The following TRIM67 variants were observed in gnomAD, a reference collection of about 807,000 sequenced individuals.
The protein encoded by TRIM67 is tripartite motif containing 67.
Under a neutral mutation model 71.0 loss-of-function variants are expected in TRIM67, and 39 were observed. That is an observed-to-expected ratio of 0.55 (90% confidence interval 0.43 to 0.72). The LOEUF (loss-of-function observed/expected upper bound fraction) is 0.72, where lower values mean the gene tolerates loss of function less well. Ranked by LOEUF, TRIM67 falls within the 30% of genes least tolerant of loss-of-function variation. TRIM67 has a pLI of 0.00. For missense variants in TRIM67, 973 were observed against 1,079.2 expected, an observed-to-expected ratio of 0.90 and a Z score of 1.38; for synonymous variants, 481 against 473.9, an observed-to-expected ratio of 1.01 and a Z score of -0.19.
intron 1 of TRIM67, among the ~76,000 whole-genome samples, chr1:231,195,761 A>G (rs1316402987): frequency 6.6e-6 from 1 of 152,036 alleles, no homozygotes; most frequent in Non-Finnish European, 1.5e-5. Context: ...AGTCCAGGGG[A>G]TCTCAAACTG....
rs1266053427 is a variant in TRIM67, at chr1:231,162,999, CG to C, written c.32del (p.Gly11AlafsTer306). On this transcript the variant is annotated frameshift_variant, in exon 1 of 10. Coordinates refer to ENST00000366653, the MANE Select transcript of TRIM67 (RefSeq NM_001004342.5). LOFTEE classifies it high-confidence loss of function. MEEELKCPVCGSLFREPIILP... is the reference protein window; with the variant it reads MEEELKCPVCXSLFREPIILP... ...AGGAAGAGCTGAAGTGTCCCGTGTG[CG>C]GCTCTCTGTTTCGGGAGCCTATCAT... 8 of 1,612,402 alleles carry C rather than the reference CG, an allele frequency of 5.0e-6. No individual in the cohort carries two copies. Among genetic ancestry groups the C allele is most frequent in the Non-Finnish European group, 6.8e-6 (8 of 1,179,350 alleles).
intron 3 of TRIM67, among the ~76,000 whole-genome samples, chr1:231,199,581 C>T (rs1457081085): frequency 6.6e-6 from 1 of 152,156 alleles, no homozygotes; most frequent in Non-Finnish European, 1.5e-5. Context: ...AGCCAGTTCC[C>T]ACCAAGGGAA....
rs559641983 is a variant in TRIM67, at chr1:231,209,761, C to A, written c.2123+511C>A. ...GACAGGGCAGTAGCAGAGGGCATGGCTGGGGTGCTCACTACTAACGAGCCT... is the reference window on the plus strand; with the variant it reads ...GACAGGGCAGTAGCAGAGGGCATGGATGGGGTGCTCACTACTAACGAGCCT... On this transcript the variant is annotated intron_variant, in intron 8 of 9. Coordinates refer to ENST00000366653, the MANE Select transcript of TRIM67 (RefSeq NM_001004342.5). This position sits in a 1 kb window ranked among gnomAD's most constrained non-coding sequence, Gnocchi z 4.1. Among the ~76,000 whole-genome samples, 1 of 152,342 alleles carries A rather than the reference C, an allele frequency of 6.6e-6. No homozygotes were observed. Among genetic ancestry groups the A allele is most frequent in the African/African-American group, 2.4e-5 (1 of 41,580 alleles).
At chr1:231,201,229 T>C (rs916852079) in intron 4 of TRIM67, 129 bp from the exon 5 acceptor site, 1 of 929,922 alleles carries the variant, frequency 1.1e-6, no homozygotes. Flanking sequence ...ATCTCTGCCA[T>C]GGCTCTAGAG....
intron 6 of TRIM67, among the ~76,000 whole-genome samples, chr1:231,204,246 C>T (rs1683634865): frequency 1.3e-5 from 2 of 152,180 alleles, no homozygotes; most frequent in East Asian, 3.9e-4. Context: ...GAAGGTGTTT[C>T]CTGCACCCAC....
intron 1 of TRIM67, chr1:231,185,994 TG>T: frequency 8.9e-7 from 1 of 1,126,968 alleles, no homozygotes; most frequent in Non-Finnish European, 1.3e-6. Context: ...GAGAAGGAGG[TG>T]GGTCTTCTGG....
chr1:231,198,709 T>C (rs1683439846), intron 2 of TRIM67, among the ~76,000 whole-genome samples: 1 of 151,358 alleles, frequency 6.6e-6, no homozygotes, highest in East Asian at 1.9e-4. Context: ...TAAACACACA[T>C]ACACACACAC....
rs374407015 is a variant in TRIM67 at position 231,197,484 on chromosome 1, G to A, written c.1140+18G>A. The A allele has an allele frequency of 2.0e-4, 327 of 1,609,882 alleles. 2 individuals are homozygous for A. The highest frequency in any genetic ancestry group is 8.8e-4 in the Admixed American group (53 of 59,964). ...AGATCCAGGTGAGCACAGCTCTGGC[G>A]TCGGGAGAAATACTCAGTGTTGAAA... On this transcript the variant is annotated intron_variant, in intron 2 of 9. Coordinates refer to ENST00000366653, the MANE Select transcript of TRIM67 (RefSeq NM_001004342.5).
chr1:231,170,229 G>A (rs1482273709), intron 1 of TRIM67, among the ~76,000 whole-genome samples: 3 of 151,714 alleles, frequency 2.0e-5, no homozygotes, highest in East Asian at 1.9e-4. Context: ...CAGGTGATCC[G>A]CCCACCTCTG....
rs370647512 is a variant in TRIM67 at position 231,176,399 on chromosome 1, G to A, written c.1044+12386G>A. Among the ~76,000 whole-genome samples, 84 of 152,338 alleles carry A rather than the reference G, an allele frequency of 5.5e-4. No individual in the cohort carries two copies. The South Asian group carries it at 9.1e-3, about 17-fold the overall frequency. ...CCCAGAGATTAGGAAGGGGAAGAGG[G>A]AAAGAGTGGTAAGTGGGGAAACTGA... is the stretch of plus-strand genomic sequence containing the variant. On this transcript the variant is annotated intron_variant, in intron 1 of 9. Coordinates refer to ENST00000366653, the MANE Select transcript of TRIM67 (RefSeq NM_001004342.5).
At chr1:231,189,956 G>C (rs1403211687) in intron 1 of TRIM67, among the ~76,000 whole-genome samples, 1 of 152,198 alleles carries the variant, frequency 6.6e-6, no homozygotes, top group Non-Finnish European at 1.5e-5. Context: ...AGAGCCTCCA[G>C]AAGGAACCAG....
intron 2 of TRIM67, among the ~76,000 whole-genome samples, 187 bp downstream of exon 2, chr1:231,197,653 C>A (rs914385310): frequency 6.6e-6 from 1 of 152,118 alleles, no homozygotes; most frequent in African/African-American, 2.4e-5. Context: ...TGGAGAAACC[C>A]GTCTCTACTA....
chr1:231,165,142 G>T (rs1405064450), intron 1 of TRIM67, among the ~76,000 whole-genome samples: 1 of 152,144 alleles, frequency 6.6e-6, no homozygotes, highest in Non-Finnish European at 1.5e-5. Context: ...ATCACACCTA[G>T]AAGGTGCCAC....
chr1:231,207,615 C>T (rs933193017), intron 7 of TRIM67, among the ~76,000 whole-genome samples: 1 of 152,228 alleles, frequency 6.6e-6, no homozygotes, highest in Non-Finnish European at 1.5e-5. Context: ...CATCCTCTGA[C>T]TGCCACAGCT....
At chr1:231,174,251 T>TA (rs952218642) in intron 1 of TRIM67, among the ~76,000 whole-genome samples, 3 of 150,610 alleles carry the variant, frequency 2.0e-5, no homozygotes, top group African/African-American at 7.3e-5. Context: ...CTTGAACTCC[T>TA]AGGTTCAAAC....
chr1:231,205,708 A>G (rs1252466012), intron 6 of TRIM67, among the ~76,000 whole-genome samples: 1 of 150,102 alleles, frequency 6.7e-6, no homozygotes, highest in East Asian at 2.0e-4. Flanking sequence ...CCTGGGTGAC[A>G]GAGTAAGACT....
intron 6 of TRIM67, among the ~76,000 whole-genome samples, chr1:231,206,291 A>G (rs1229132676): frequency 6.6e-6 from 1 of 151,530 alleles, no homozygotes; most frequent in African/African-American, 2.4e-5. Flanking sequence ...ATATATATAA[A>G]TTAGCTGGGC....
At chr1:231,191,708 C>T (rs941312376) in intron 1 of TRIM67, among the ~76,000 whole-genome samples, 1 of 152,180 alleles carries the variant, frequency 6.6e-6, no homozygotes, top group African/African-American at 2.4e-5. Context: ...TAGGGTCAGA[C>T]TGCTGGTGCC....
At chr1:231,202,785 C>A (rs1334974621) in intron 5 of TRIM67, among the ~76,000 whole-genome samples, 1 of 152,294 alleles carries the variant, frequency 6.6e-6, no homozygotes, top group African/African-American at 2.4e-5. Context: ...GTAAATGACA[C>A]GCAGTGCTGA....
Sources: gnomAD v4.1 joint callset for allele counts (sites outside exome capture counted in the v4.1 genomes callset) on GRCh38, gnomAD v4.1.1 for gene constraint, Gnocchi (gnomAD v3.1) non-coding constraint, MANE v1.5 for transcripts, NCBI Gene and HGNC (gene_info 2026-07-23, HGNC 2026-07-21) for gene names.